Variants in ZEB2 observed in about 807,000 individuals in gnomAD.
The protein encoded by ZEB2 is zinc finger E-box-binding homeobox 2.
ZEB2 carries 6 observed loss-of-function variants against 99.9 expected under a neutral mutation model. The observed-to-expected ratio is 0.06, with a 90% CI of 0.03 to 0.12. ZEB2 has a LOEUF of 0.12. ZEB2 is among the 10% of genes least tolerant of loss of function. The pLI, the probability that ZEB2 is intolerant of heterozygous loss-of-function variation, is 1.00. For synonymous variants in ZEB2, 517 were observed against 542.5 expected (o/e 0.95, Z 0.65); for missense variants, 969 against 1,502.8 (o/e 0.64, Z 5.87).
intron 2 of ZEB2, among the ~76,000 whole-genome samples, chr2:144,501,581 A>G (rs901161095): frequency 2.0e-5 from 3 of 152,200 alleles, no homozygotes; most frequent in African/African-American, 7.2e-5. Flanking sequence ...AGAATGTTAT[A>G]AGCTGACAGG....
At chr2:144,410,793 A>G (rs976636674) in intron 4 of ZEB2, among the ~76,000 whole-genome samples, 1 of 152,058 alleles carries the variant, frequency 6.6e-6, no homozygotes, top group Non-Finnish European at 1.5e-5. Context: ...TAAGCCATTT[A>G]AGTAAACATC....
chr2:144,484,940 ACC>A (rs1704572857), intron 2 of ZEB2, among the ~76,000 whole-genome samples: 1 of 152,014 alleles, frequency 6.6e-6, no homozygotes, highest in African/African-American at 2.4e-5. Context: ...AAAACTCACC[ACC>A]CGGGCATACT....
intron 7 of ZEB2, 43 bp from the exon 8 acceptor site, chr2:144,400,313 A>G (rs767249756): frequency 1.3e-6 from 2 of 1,587,954 alleles, no homozygotes; most frequent in Non-Finnish European, 1.7e-6. Flanking sequence ...CCTTGATTAG[A>G]TAACAATTGC....
In ZEB2 at chr2:144,424,789, A is replaced by G; in HGVS notation, c.403+7T>C. The G allele has an allele frequency of 6.2e-7, 1 of 1,614,042 alleles. No homozygotes were observed. Among genetic ancestry groups the G allele is most frequent in the Non-Finnish European group, 8.5e-7 (1 of 1,179,904 alleles). ...AATGTGATCTGAGCGTGGCCAACAT[A>G]ACTCACCTGTACCATTGTTAATTGC... On this transcript the variant is annotated splice_region_variant and intron_variant, in intron 4 of 9. Coordinates refer to ENST00000627532, the MANE Select transcript of ZEB2 (RefSeq NM_014795.4).
At chr2:144,424,575 C>T (rs1014525342) in intron 4 of ZEB2, 8 of 639,152 alleles carry the variant, frequency 1.3e-5, no homozygotes, top group Admixed American at 7.0e-5. Context: ...TATTCTTGAG[C>T]GTCACAGGTA....
At chr2:144,429,710 A>G in intron 3 of ZEB2, 59 bp downstream of exon 3, 1 of 1,612,956 alleles carries the variant, frequency 6.2e-7, no homozygotes, top group Non-Finnish European at 8.5e-7. Context: ...TAGGTGGAAC[A>G]GATTAGTTGA....
chr2:144,477,839 C>A (rs553774127), intron 2 of ZEB2, among the ~76,000 whole-genome samples: 9 of 152,086 alleles, frequency 5.9e-5, no homozygotes, highest in Admixed American at 5.2e-4. Context: ...GATGAGGAGG[C>A]CTGAAAAGTG....
chr2:144,452,699 C>G (rs182016675), intron 2 of ZEB2, among the ~76,000 whole-genome samples: 12 of 152,214 alleles, frequency 7.9e-5, no homozygotes, highest in Admixed American at 2.0e-4. Context: ...CTCTCACCCC[C>G]CTGTCTTTTG....
chr2:144,472,124 T>C (rs1704365381), intron 2 of ZEB2, among the ~76,000 whole-genome samples: 1 of 152,126 alleles, frequency 6.6e-6, no homozygotes, highest in African/African-American at 2.4e-5. Context: ...GGAGGAATAC[T>C]GTATGTTTCC....
At chr2:144,484,986 C>T (rs895946034) in intron 2 of ZEB2, among the ~76,000 whole-genome samples, 2 of 152,194 alleles carry the variant, frequency 1.3e-5, no homozygotes, top group Non-Finnish European at 2.9e-5. Context: ...TCACTCTTGG[C>T]ATACATGGCA....
At chr2:144,430,117 T>C in intron 2 of ZEB2, 91 bp from the exon 3 acceptor site, 18 of 1,532,820 alleles carry the variant, frequency 1.2e-5, no homozygotes, top group South Asian at 5.7e-5. Flanking sequence ...AAATAATTAA[T>C]ATTTTCATAA....
chr2:144,503,253 T>C (rs889672800), intron 2 of ZEB2, among the ~76,000 whole-genome samples: 6 of 152,220 alleles, frequency 3.9e-5, no homozygotes, highest in African/African-American at 1.4e-4. Context: ...AGTTGGTATG[T>C]AGTATTTGAA....
intron 2 of ZEB2, among the ~76,000 whole-genome samples, chr2:144,489,700 C>T (rs1164768423): frequency 1.3e-5 from 2 of 152,184 alleles, no homozygotes; most frequent in African/African-American, 4.8e-5. Flanking sequence ...TTCTTAATCA[C>T]GCTGCTCATT....
chr2:144,512,376 G>A, intron 2 of ZEB2: 1 of 1,287,218 alleles, frequency 7.8e-7, no homozygotes, highest in Non-Finnish European at 1.0e-6. Context: ...CACTGCTAGA[G>A]GCTAGCAACG....
At chr2:144,424,954 C>G (rs1414512948) in intron 3 of ZEB2, 87 bp from the exon 4 acceptor site, 46 of 1,414,674 alleles carry the variant, frequency 3.3e-5, no homozygotes, top group Non-Finnish European at 4.4e-5. Flanking sequence ...AAGGAAGATT[C>G]TTTTAAAGGA....
intron 2 of ZEB2, among the ~76,000 whole-genome samples, chr2:144,500,090 C>T (rs1024998043): frequency 2.6e-5 from 4 of 152,190 alleles, no homozygotes; most frequent in African/African-American, 9.7e-5. Context: ...TTTGCACAGC[C>T]TCCACTGCAT....
chr2:144,413,598 A>G (rs531317077), intron 4 of ZEB2, among the ~76,000 whole-genome samples: 118 of 152,342 alleles, frequency 7.7e-4, no homozygotes, highest in Admixed American at 1.6e-3. Flanking sequence ...AAAAATAATG[A>G]CTTCCCTGAC....
intron 2 of ZEB2, among the ~76,000 whole-genome samples, chr2:144,510,717 TTTCTC>T: frequency 2.8e-5 from 4 of 143,692 alleles, no homozygotes; most frequent in South Asian, 2.2e-4. Context: ...TCTCTCTCTC[TTTCTC>T]TCTCTCTTTC....
intron 2 of ZEB2, among the ~76,000 whole-genome samples, chr2:144,442,787 G>A (rs1451499418): frequency 6.6e-6 from 1 of 151,854 alleles, no homozygotes; most frequent in Non-Finnish European, 1.5e-5. Context: ...TACTATTTTT[G>A]AACTTACAAC....
Sources: allele counts gnomAD v4.1 joint callset (sites outside exome capture counted in the v4.1 genomes callset), GRCh38; gene constraint gnomAD v4.1.1; transcripts MANE v1.5; gene names NCBI Gene and HGNC (gene_info 2026-07-23, HGNC 2026-07-21).